Variants in DDX6 observed in about 807,000 individuals in gnomAD.
DDX6 encodes the protein probable ATP-dependent RNA helicase DDX6.
Under a neutral mutation model 60.6 loss-of-function variants are expected in DDX6, and 7 were observed. The observed-to-expected ratio is 0.12, with a 90% CI of 0.07 to 0.22. DDX6 has a LOEUF of 0.22. DDX6 is among the 10% of genes least tolerant of loss of function. DDX6 has a pLI of 1.00. For synonymous variants in DDX6, 207 were observed against 201.0 expected (o/e 1.03, Z -0.25); for missense variants, 270 against 589.9 (o/e 0.46, Z 5.62).
chr11:118,776,092 T>C (rs1861690697), intron 4 of DDX6, among the ~76,000 whole-genome samples: 1 of 152,160 alleles, frequency 6.6e-6, no homozygotes, highest in African/African-American at 2.4e-5. Flanking sequence ...TGCAGTGAGC[T>C]AAGATTCTGA....
At chr11:118,778,033 G>GA (rs1555163985) in intron 4 of DDX6, among the ~76,000 whole-genome samples, 3 of 150,096 alleles carry the variant, frequency 2.0e-5, no homozygotes, top group Non-Finnish European at 3.0e-5. Flanking sequence ...AAAAAAAATT[G>GA]AAAAAAATTG....
At chr11:118,779,352 TTAA>T (rs1314685460) in intron 4 of DDX6, among the ~76,000 whole-genome samples, 1 of 152,154 alleles carries the variant, frequency 6.6e-6, no homozygotes, top group Non-Finnish European at 1.5e-5. Context: ...TTTGGGTCCA[TTAA>T]TAATTAGAAT....
rs1555160824 is a variant in DDX6, at chr11:118,763,915, AG to A, written c.647-610del. 2.0e-5 allele frequency among the ~76,000 whole-genome samples: 3 copies of A among 152,120 alleles called. No homozygotes were observed. The South Asian group carries it at 6.2e-4, about 32-fold the overall frequency. The stretch of plus-strand genomic sequence containing the variant: ...GTGGAAATAACACAAAAAGGCACAA[AG>A]ATGTGTTTTAGGATAAAGACTTCCA... On this transcript the variant is annotated intron_variant, in intron 6 of 13. Transcript: ENST00000534980.
chr11:118,784,821 G>A (rs1862021094), intron 2 of DDX6, among the ~76,000 whole-genome samples: 1 of 151,338 alleles, frequency 6.6e-6, no homozygotes, highest in Non-Finnish European at 1.5e-5. Flanking sequence ...GTGCAATCTC[G>A]GCTCACTGCA....
intron 6 of DDX6, 137 bp downstream of exon 6, chr11:118,765,072 G>C (rs1555161030): frequency 2.1e-6 from 2 of 973,048 alleles, no homozygotes; most frequent in East Asian, 4.9e-5. Flanking sequence ...TTTTTCGCTT[G>C]AATGCAGTGG....
rs1335026545 is a variant in DDX6 at position 118,786,148 on chromosome 11, C to G, written c.104G>C (p.Gly35Ala). 6.2e-7 allele frequency: 1 copy of G among 1,613,886 alleles called. No homozygotes were observed. The highest frequency in any genetic ancestry group is 1.7e-5 in the Admixed American group (1 of 59,996). The part of the protein sequence containing the change: ...VKPTGGPGGG[G>A]TQTQQQMNQL... ...GTTCATCTGTTGCTGTGTCTGTGTG[C>G]CCCCTCCTCCAGGGCCACCAGTGGG... The change falls in exon 2 of 14, where the codon GGC (glycine) becomes GCC (alanine). Residue 35 changes from glycine (G) to alanine (A), a missense_variant. Around this residue, in one of 8 missense-constraint regions of DDX6, gnomAD observed 102 missense variants for 110.5 expected, o/e 0.92. Coordinates refer to ENST00000534980, the MANE Select transcript of DDX6 (RefSeq NM_004397.6).
intron 13 of DDX6, among the ~76,000 whole-genome samples, chr11:118,753,091 T>C (rs1343577801): frequency 6.6e-6 from 1 of 152,176 alleles, no homozygotes; most frequent in African/African-American, 2.4e-5. Flanking sequence ...TGCAATGGCA[T>C]GACCTCGGCT....
intron 4 of DDX6, among the ~76,000 whole-genome samples, chr11:118,774,624 A>G (rs1276233528): frequency 6.6e-6 from 1 of 151,848 alleles, no homozygotes; most frequent in Non-Finnish European, 1.5e-5. Context: ...GGGTTTTGTC[A>G]TGTTGTTTAG....
chr11:118,760,938 A>G (rs1224364640), intron 7 of DDX6, among the ~76,000 whole-genome samples: 1 of 151,744 alleles, frequency 6.6e-6, no homozygotes, highest in African/African-American at 2.4e-5. Flanking sequence ...TCAGGAGTTC[A>G]AGACAAGACT....
rs1343099657 is a variant in DDX6, at chr11:118,750,070, GTAAT to G, written c.*2031_*2034del. 6.6e-6 allele frequency: 1 copy of G among 152,572 alleles called. No homozygotes were observed. Among genetic ancestry groups the G allele is most frequent in the Non-Finnish European group, 1.5e-5 (1 of 68,028 alleles). 9.5% of individuals were successfully genotyped at this position (152,572 alleles called of 1,614,324 possible). On this transcript the variant is annotated 3_prime_UTR_variant, in exon 14 of 14. Transcript: ENST00000534980. ...GGCAGAGTCAAAAAAGCAACTTCAA[GTAAT>G]TGATTCCTTTGTCCAAAAGAGTTAA...
intron 7 of DDX6, among the ~76,000 whole-genome samples, chr11:118,762,209 G>C (rs1861194508): frequency 6.6e-6 from 1 of 151,262 alleles, no homozygotes; most frequent in African/African-American, 2.4e-5. Flanking sequence ...CGGGGAGGCA[G>C]AGGTTGTAGT....
intron 4 of DDX6, among the ~76,000 whole-genome samples, chr11:118,779,274 A>G (rs1370744837): frequency 6.6e-6 from 1 of 152,214 alleles, no homozygotes; most frequent in African/African-American, 2.4e-5. Flanking sequence ...AAAAAGACAT[A>G]ATTACAAATA....
At chr11:118,780,201 G>A (rs1861849098) in intron 3 of DDX6, among the ~76,000 whole-genome samples, 1 of 148,228 alleles carries the variant, frequency 6.7e-6, no homozygotes, top group South Asian at 2.1e-4. Flanking sequence ...ATAAATATAT[G>A]CAGATTACTT....
Position 118,751,108 on chromosome 11 carries a change from TTACAAAGTTA to T in DDX6, c.*987_*996del, listed in dbSNP as rs1236483787. ...ATATGAACCCAGAAAAAAAACTTAT[TTACAAAGTTA>T]TACAAGTATACACACCCAATTTTCT... On this transcript the variant is annotated 3_prime_UTR_variant, in exon 14 of 14. Coordinates refer to ENST00000534980, the MANE Select transcript of DDX6 (RefSeq NM_004397.6). The T allele has an allele frequency of 6.1e-3, 2 of 328 alleles. No individual in the cohort carries two copies. The highest frequency in any genetic ancestry group is 0.25 in the South Asian group (1 of 4). 0.0% of individuals were successfully genotyped at this position (328 alleles called of 1,614,324 possible). A position where few individuals can be genotyped will look rare whatever the true frequency, so the allele number is the denominator to read the frequency against.
At chr11:118,763,791 AC>A (rs1236891284) in intron 6 of DDX6, among the ~76,000 whole-genome samples, 70 of 151,036 alleles carry the variant, frequency 4.6e-4, no homozygotes, top group Admixed American at 4.6e-3. Context: ...CCGAGATCAC[AC>A]CACTGCACTC....
intron 4 of DDX6, among the ~76,000 whole-genome samples, chr11:118,768,987 CAAAAAAAA>C (rs782136763): frequency 2.8e-4 from 11 of 39,986 alleles, no homozygotes; most frequent in Admixed American, 4.8e-4. Context: ...CGTCTCATCT[CAAAAAAAA>C]AAAAAAAAAA....
intron 7 of DDX6, among the ~76,000 whole-genome samples, chr11:118,762,207 C>G (rs1861194429): frequency 6.7e-6 from 1 of 149,354 alleles, no homozygotes; most frequent in African/African-American, 2.5e-5. Flanking sequence ...AGCGGGGAGG[C>G]AGAGGTTGTA....
intron 2 of DDX6, among the ~76,000 whole-genome samples, chr11:118,784,936 G>GGTTTATTTTTAGTAGAGACGA (rs1862025370): frequency 6.6e-6 from 1 of 151,910 alleles, no homozygotes; most frequent in South Asian, 2.1e-4. Flanking sequence ...AGTAGAGACG[G>GGTTTATTTTTAGTAGAGACGA]GGTTTATTTT....
intron 2 of DDX6, among the ~76,000 whole-genome samples, chr11:118,784,799 T>C (rs1862020185): frequency 6.6e-6 from 1 of 151,660 alleles, no homozygotes; most frequent in Non-Finnish European, 1.5e-5. Flanking sequence ...TTGCCCAAGC[T>C]GGAGTGCAAT....
Sources: gnomAD v4.1 joint callset for allele counts (sites outside exome capture counted in the v4.1 genomes callset) on GRCh38, gnomAD v4.1.1 for gene constraint, gnomAD v4.1.1 regional missense constraint, MANE v1.5 for transcripts, NCBI Gene and HGNC (gene_info 2026-07-23, HGNC 2026-07-21) for gene names.